The following PTPRD variants were observed in gnomAD, a reference collection of about 807,000 sequenced individuals.
The protein encoded by PTPRD is receptor-type tyrosine-protein phosphatase delta.
PTPRD carries 34 observed loss-of-function variants against 214.5 expected under a neutral mutation model. That is an observed-to-expected ratio of 0.16 (90% CI 0.12 to 0.21). The LOEUF is 0.21. PTPRD is among the 10% of genes least tolerant of loss of function. The pLI is 1.00. For synonymous variants in PTPRD, 1,128 were observed against 845.7 expected, an observed-to-expected ratio of 1.33 and a Z score of -5.79; for missense variants, 2,545 against 2,398.7, an observed-to-expected ratio of 1.06 and a Z score of -1.27.
At chr9:9,632,552 T>G (rs892093386) in intron 7 of PTPRD, among the ~76,000 whole-genome samples, 6 of 152,094 alleles carry the variant, frequency 3.9e-5, no homozygotes, top group Non-Finnish European at 1.5e-5. Context: ...AATGGTGCAC[T>G]TGGTATGTGA....
chr9:10,019,543 A>G (rs991069491), intron 4 of PTPRD, among the ~76,000 whole-genome samples: 1 of 152,216 alleles, frequency 6.6e-6, no homozygotes, highest in East Asian at 1.9e-4. Context: ...TCCAACAATG[A>G]TAGACTGGAT....
intron 8 of PTPRD, among the ~76,000 whole-genome samples, chr9:9,471,965 A>T (rs4451355): frequency 0.56 from 85,768 of 151,820 alleles, 24,808 homozygotes; most frequent in East Asian, 0.69. Context: ...TAAATGAAAA[A>T]CACATTGCAA....
chr9:8,347,976 C>T (rs1446445350), intron 39 of PTPRD, among the ~76,000 whole-genome samples: 7 of 152,142 alleles, frequency 4.6e-5, no homozygotes, highest in East Asian at 3.9e-4. Flanking sequence ...AGCAGACTAA[C>T]GCAATACCTA....
At chr9:9,231,490 C>T (rs548672675) in intron 9 of PTPRD, among the ~76,000 whole-genome samples, 110 of 151,994 alleles carry the variant, frequency 7.2e-4, no homozygotes, top group African/African-American at 2.6e-3. Flanking sequence ...GTGTTGATAC[C>T]CAAATTGGAC....
intron 45 of PTPRD, among the ~76,000 whole-genome samples, chr9:8,318,407 A>G (rs952743291): frequency 5.3e-5 from 8 of 152,220 alleles, no homozygotes; most frequent in African/African-American, 1.9e-4. Flanking sequence ...GAATTTACTT[A>G]TCTTCTGAAC....
intron 12 of PTPRD, among the ~76,000 whole-genome samples, chr9:8,731,238 G>A (rs929631049): frequency 3.3e-5 from 5 of 152,198 alleles, no homozygotes; most frequent in Non-Finnish European, 7.4e-5. Context: ...AAATTAACAT[G>A]GCAAACTAGA....
At chr9:9,796,012 G>A (rs1275439602) in intron 5 of PTPRD, among the ~76,000 whole-genome samples, 1 of 151,790 alleles carries the variant, frequency 6.6e-6, no homozygotes, top group Non-Finnish European at 1.5e-5. Context: ...TAGAATTACA[G>A]AATTATATTA....
At chr9:9,576,107 T>G (rs2088663041) in intron 7 of PTPRD, among the ~76,000 whole-genome samples, 1 of 152,294 alleles carries the variant, frequency 6.6e-6, no homozygotes, top group South Asian at 2.1e-4. Context: ...ATTCTTTAAT[T>G]GTTGGTACTG....
intron 7 of PTPRD, among the ~76,000 whole-genome samples, chr9:9,723,636 G>A (rs1441837508): frequency 1.3e-5 from 2 of 152,004 alleles, no homozygotes; most frequent in Non-Finnish European, 2.9e-5. Context: ...TCTTAACAAT[G>A]TTAAGTCTTC....
At position 8,499,825 on chromosome 9, in the gene PTPRD, G is replaced by A. The variant is rs780704033; in HGVS notation, c.2144C>T (p.Pro715Leu). ...RTNEDVPSGPPRKVEVEAVNS... is the reference protein window; with the variant it reads ...RTNEDVPSGPLRKVEVEAVNS... ...GACAGCCTCTACCTCGACTTTGCGAGGAGGACCACTAGGAACTGGAACAAC... is the reference window on the plus strand; with the variant it reads ...GACAGCCTCTACCTCGACTTTGCGAAGAGGACCACTAGGAACTGGAACAAC... The change falls in exon 25 of 46, where the codon CCT becomes CTT. Residue 715 changes from proline (P) to leucine (L), a missense_variant. Physicochemically the swap from Pro to Leu is moderately conservative, Grantham distance 98. Transcript: ENST00000381196. 1.9e-6 allele frequency: 3 copies of A among 1,611,374 alleles called. No homozygotes were observed. Among genetic ancestry groups the A allele is most frequent in the Non-Finnish European group, 2.5e-6 (3 of 1,178,850 alleles).
rs1440630015 is a variant in PTPRD at position 9,156,419 on chromosome 9, A to G, written c.-143+26885T>C. Among the ~76,000 whole-genome samples the G allele has an allele frequency of 2.0e-5, 3 of 151,344 alleles. No homozygotes were observed. The East Asian group carries it at 5.8e-4, about 29-fold the overall frequency. The stretch of plus-strand genomic sequence containing the variant: ...AAAGTAAGCAGATTCATACTTGCTC[A>G]CCTTTTTATAAATATATAAAAAGTA... On this transcript the variant is annotated intron_variant, in intron 10 of 45. Coordinates refer to ENST00000381196, the MANE Select transcript of PTPRD (RefSeq NM_002839.4).
chr9:10,479,411 G>A (rs2099082540), intron 2 of PTPRD, among the ~76,000 whole-genome samples: 1 of 152,010 alleles, frequency 6.6e-6, no homozygotes, highest in Non-Finnish European at 1.5e-5. Context: ...CCTAGTGGTG[G>A]GGATGGGGAT....
At chr9:8,447,982 T>A (rs761660578) in intron 34 of PTPRD, among the ~76,000 whole-genome samples, 3 of 152,104 alleles carry the variant, frequency 2.0e-5, no homozygotes, top group South Asian at 2.1e-4. Context: ...CTCTATACAT[T>A]GAGTTTGCTA....
At chr9:8,525,219 T>TA (rs1412445920) in intron 17 of PTPRD, 184 bp from the exon 18 acceptor site, 1 of 565,930 alleles carries the variant, frequency 1.8e-6, no homozygotes, top group East Asian at 3.4e-5. Flanking sequence ...TAGAGATTAT[T>TA]TTTTTTTTTT....
chr9:8,727,639 GTTTT>G (rs764907037), intron 12 of PTPRD, among the ~76,000 whole-genome samples: 161 of 150,044 alleles, frequency 1.1e-3, no homozygotes, highest in Non-Finnish European at 1.9e-3. Flanking sequence ...TGGTTTAGGT[GTTTT>G]TTGTTTGTTT....
chr9:9,007,560 A>C (rs1479165425), intron 11 of PTPRD, among the ~76,000 whole-genome samples: 2 of 151,800 alleles, frequency 1.3e-5, no homozygotes, highest in Non-Finnish European at 2.9e-5. Flanking sequence ...CTTTCTAATC[A>C]CTCCAAAACA....
chr9:10,086,713 T>C (rs1045019659), intron 3 of PTPRD, among the ~76,000 whole-genome samples: 4 of 151,742 alleles, frequency 2.6e-5, no homozygotes, highest in Non-Finnish European at 5.9e-5. Context: ...CCCTAATCCA[T>C]TCATTATTAT....
intron 8 of PTPRD, among the ~76,000 whole-genome samples, chr9:9,520,622 C>A (rs958847264): frequency 1.3e-5 from 2 of 152,148 alleles, no homozygotes; most frequent in African/African-American, 4.8e-5. Flanking sequence ...ATATGGTCAA[C>A]AAACAGTTAT....
At chr9:10,572,809 G>C (rs555694533) in intron 2 of PTPRD, among the ~76,000 whole-genome samples, 3 of 152,078 alleles carry the variant, frequency 2.0e-5, no homozygotes, top group African/African-American at 4.8e-5. Context: ...GAAAACTGAT[G>C]TCTCTCTAGA....
Sources: gnomAD v4.1 joint callset for allele counts (sites outside exome capture counted in the v4.1 genomes callset) on GRCh38, gnomAD v4.1.1 for gene constraint, MANE v1.5 for transcripts, NCBI Gene and HGNC (gene_info 2026-07-23, HGNC 2026-07-21) for gene names.